Variants in SORCS1 observed in about 807,000 individuals in gnomAD.
SORCS1 encodes the protein sortilin related VPS10 domain containing receptor 1, also known as VPS10 domain-containing receptor SorCS1.
In SORCS1, 60 loss-of-function variants were observed where a neutral mutation model predicts 146.1. The observed-to-expected ratio is 0.41, with a 90% CI of 0.33 to 0.51. The LOEUF is 0.51. Ranked by LOEUF, SORCS1 falls within the 20% of genes least tolerant of loss-of-function variation. The pLI, the probability that SORCS1 is intolerant of heterozygous loss-of-function variation, is 0.21. For synonymous variants in SORCS1, 637 were observed against 584.0 expected (o/e 1.09, Z -1.31); for missense variants, 1,352 against 1,487.6 (o/e 0.91, Z 1.50).
At chr10:106,773,691 C>T (rs12260941) in intron 4 of SORCS1, among the ~76,000 whole-genome samples, 19,906 of 152,086 alleles carry the variant, frequency 0.13, 1,359 homozygotes, top group Middle Eastern at 0.18. Flanking sequence ...GGCTCATGTC[C>T]GTAATCCCAG....
intron 1 of SORCS1, among the ~76,000 whole-genome samples, chr10:106,993,218 A>T (rs1301519760): frequency 1.3e-5 from 2 of 152,198 alleles, no homozygotes; most frequent in Non-Finnish European, 2.9e-5. Flanking sequence ...TAGATGCCCA[A>T]GTAGGGCTGG....
At chr10:106,801,204 A>G (rs957396067) in intron 3 of SORCS1, among the ~76,000 whole-genome samples, 1 of 152,214 alleles carries the variant, frequency 6.6e-6, no homozygotes, top group Non-Finnish European at 1.5e-5. Context: ...CTATCATATT[A>G]AATATGTGCT....
chr10:106,971,310 T>C (rs1054451835), intron 1 of SORCS1, among the ~76,000 whole-genome samples: 2 of 152,196 alleles, frequency 1.3e-5, no homozygotes, highest in African/African-American at 4.8e-5. Context: ...TGAACTAATA[T>C]GTAATATCCT....
chr10:107,173,186 C>G, the SORCS1 span, among the ~76,000 whole-genome samples: 1 of 152,102 alleles, frequency 6.6e-6, no homozygotes, highest in East Asian at 1.9e-4. Flanking sequence ...CTTGAACTTA[C>G]TCAATTAAAT....
At chr10:106,586,136 T>G (rs1014042036) in intron 24 of SORCS1, among the ~76,000 whole-genome samples, 2 of 152,240 alleles carry the variant, frequency 1.3e-5, no homozygotes, top group Non-Finnish European at 2.9e-5. Flanking sequence ...ATTATTACCT[T>G]TGAGCTCCAC....
chr10:106,843,436 T>TTG (rs1949148542), intron 2 of SORCS1, among the ~76,000 whole-genome samples: 1 of 146,068 alleles, frequency 6.8e-6, no homozygotes, highest in Admixed American at 6.9e-5. Flanking sequence ...TTCCTTTTTT[T>TTG]TTTTTTTTTT....
chr10:106,868,110 T>C lies in SORCS1; in HGVS notation c.627-38437A>G, dbSNP rs146036346. On this transcript the variant is annotated intron_variant, in intron 2 of 25. Transcript: ENST00000263054. The stretch of plus-strand genomic sequence containing the variant: ...AGATCAAAAAAGACAAAGAAGGGCA[T>C]TACATCATAGTAAAGGGTTCAATTC... 1.7e-3 allele frequency among the ~76,000 whole-genome samples: 253 copies of C among 152,294 alleles called. 2 individuals carry two copies. The highest frequency in any genetic ancestry group is 5.7e-3 in the African/African-American group (237 of 41,574).
intron 1 of SORCS1, among the ~76,000 whole-genome samples, chr10:107,074,079 C>G (rs965545807): frequency 6.6e-6 from 1 of 152,182 alleles, no homozygotes; most frequent in African/African-American, 2.4e-5. Context: ...CATTGAGGTT[C>G]ATTCTCGGCC....
At chr10:107,080,423 G>A (rs961667752) in intron 1 of SORCS1, among the ~76,000 whole-genome samples, 1 of 152,084 alleles carries the variant, frequency 6.6e-6, no homozygotes, top group African/African-American at 2.4e-5. Flanking sequence ...ACAATACTTT[G>A]AATTTAAAGA....
intron 9 of SORCS1, among the ~76,000 whole-genome samples, chr10:106,692,902 A>C (rs1853405012): frequency 6.6e-6 from 1 of 151,990 alleles, no homozygotes; most frequent in Non-Finnish European, 1.5e-5. Flanking sequence ...TAATTATATA[A>C]ATGTATTAAA....
chr10:106,650,831 T>C (rs559593969), intron 18 of SORCS1, among the ~76,000 whole-genome samples: 1 of 152,208 alleles, frequency 6.6e-6, no homozygotes. Flanking sequence ...ATCCTCCTGA[T>C]AGTTCTCTTA....
At chr10:106,796,324 T>C (rs1946550467) in intron 3 of SORCS1, among the ~76,000 whole-genome samples, 1 of 152,220 alleles carries the variant, frequency 6.6e-6, no homozygotes, top group Non-Finnish European at 1.5e-5. Context: ...AAATGGAAGC[T>C]TTAAATTATA....
At position 107,164,576 on chromosome 10, in the gene SORCS1, G is replaced by T; in HGVS notation, c.-50C>A. 1 of 1,304,506 alleles carries T rather than the reference G, an allele frequency of 7.7e-7. No homozygotes were observed. Among genetic ancestry groups the T allele is most frequent in the Non-Finnish European group, 9.7e-7 (1 of 1,026,454 alleles). The allele number at this position is 1,304,506 out of a possible 1,614,324, so 80.8% of individuals were successfully genotyped here. A position where few individuals can be genotyped will look rare whatever the true frequency, so the allele number is the denominator to read the frequency against. On this transcript the variant is annotated 5_prime_UTR_variant, in exon 1 of 26. Coordinates refer to ENST00000263054, the MANE Select transcript of SORCS1 (RefSeq NM_052918.5). The surrounding 1 kb of genome is among the most constrained non-coding windows in gnomAD (Gnocchi z 6.8). ...GAGGGGTCCCAGAACGAAGGTGGCG[G>T]CACGAGCTCTGCGCTGGCGGCTGTG...
chr10:106,852,627 CAAAA>C (rs370300215), intron 2 of SORCS1, among the ~76,000 whole-genome samples: 4,228 of 85,012 alleles, frequency 0.05, 184 homozygotes, highest in African/African-American at 0.16. Flanking sequence ...GACCCTGTCT[CAAAA>C]AAAAAAAAAA....
At chr10:107,137,250 C>T (rs867120568) in intron 1 of SORCS1, among the ~76,000 whole-genome samples, 1 of 152,136 alleles carries the variant, frequency 6.6e-6, no homozygotes, top group African/African-American at 2.4e-5. Context: ...GACACAGGTG[C>T]CAGAGCATTC....
At chr10:106,666,467 T>TCTC (rs1463713703) in intron 17 of SORCS1, among the ~76,000 whole-genome samples, 1 of 152,056 alleles carries the variant, frequency 6.6e-6, no homozygotes. Context: ...CTCTCCTGGG[T>TCTC]CTCCAGCTTG....
At chr10:106,989,507 T>G (rs17277327) in intron 1 of SORCS1, among the ~76,000 whole-genome samples, 33,607 of 151,654 alleles carry the variant, frequency 0.22, 4,510 homozygotes, top group Middle Eastern at 0.33. Context: ...CCACTCACAA[T>G]GTAGTTTTCC....
chr10:106,718,049 G>C (rs924384581), intron 6 of SORCS1, among the ~76,000 whole-genome samples: 1 of 152,186 alleles, frequency 6.6e-6, no homozygotes, highest in African/African-American at 2.4e-5. Flanking sequence ...CAGGGATGGG[G>C]ACATGATGGA....
chr10:106,737,048 T>TGTGCATGTGA (rs1554915875), intron 5 of SORCS1, among the ~76,000 whole-genome samples: 4 of 55,090 alleles, frequency 7.3e-5, no homozygotes, highest in South Asian at 1.0e-3. Context: ...TGTGTGTGTG[T>TGTGCATGTGA]GTGTGCATGT....
Sources: allele counts gnomAD v4.1 joint callset (sites outside exome capture counted in the v4.1 genomes callset), GRCh38; gene constraint gnomAD v4.1.1; non-coding constraint Gnocchi (gnomAD v3.1); transcripts MANE v1.5; gene names NCBI Gene and HGNC (gene_info 2026-07-23, HGNC 2026-07-21).